The following TNIP3 variants were observed in gnomAD, a reference collection of about 807,000 sequenced individuals.
The protein encoded by TNIP3 is TNFAIP3 interacting protein 3.
In TNIP3, 34 loss-of-function variants were observed where a neutral mutation model predicts 54.1. The ratio of observed to expected loss-of-function variants is 0.63; its 90% CI spans 0.48 to 0.84. The LOEUF is 0.84. Ranked by LOEUF, TNIP3 falls within the 40% of genes least tolerant of loss-of-function variation. The pLI, the probability that TNIP3 is intolerant of heterozygous loss-of-function variation, is 0.00. For missense variants in TNIP3, 366 were observed against 387.6 expected, an observed-to-expected ratio of 0.94 and a Z score of 0.47; for synonymous variants, 134 against 136.8, an observed-to-expected ratio of 0.98 and a Z score of 0.14.
intron 3 of TNIP3, among the ~76,000 whole-genome samples, chr4:121,171,070 T>C (rs112071387): frequency 0.056 from 8,525 of 152,112 alleles, 392 homozygotes; most frequent in African/African-American, 0.12. Flanking sequence ...CCCATCTCGG[T>C]CTCCCAAAGT....
intron 10 of TNIP3, among the ~76,000 whole-genome samples, chr4:121,135,800 A>G (rs1424309326): frequency 6.6e-6 from 1 of 152,230 alleles, no homozygotes; most frequent in Admixed American, 6.5e-5. Context: ...TTTTAATTAA[A>G]TGAACCCCAA....
upstream of TNIP3, among the ~76,000 whole-genome samples, chr4:121,164,895 G>A (rs1730670481): frequency 6.6e-6 from 1 of 151,938 alleles, no homozygotes; most frequent in Non-Finnish European, 1.5e-5. Context: ...TCTTCTCATG[G>A]AGAATCATTT....
At chr4:121,203,434 T>A (rs1333331278) in intron 2 of TNIP3, among the ~76,000 whole-genome samples, 1 of 152,090 alleles carries the variant, frequency 6.6e-6, no homozygotes, top group Non-Finnish European at 1.5e-5. Context: ...CTCAAATGCA[T>A]GAGAATGATA....
chr4:121,224,949 C>T (rs111412204), intron 1 of TNIP3, among the ~76,000 whole-genome samples: 2,069 of 151,968 alleles, frequency 0.014, 49 homozygotes, highest in African/African-American at 0.047. Context: ...ACACTGTGTC[C>T]GAGAGTCATC....
chr4:121,176,514 TATGATGATGATGATGATGATG>T (rs70948383), intron 3 of TNIP3, among the ~76,000 whole-genome samples: 1 of 147,180 alleles, frequency 6.8e-6, no homozygotes, highest in Non-Finnish European at 1.5e-5. Flanking sequence ...CTACTAGCAT[TATGATGATGATGATGATGATG>T]ATGATGATGA....
At chr4:121,204,328 C>G (rs986305636) in intron 2 of TNIP3, among the ~76,000 whole-genome samples, 1 of 152,086 alleles carries the variant, frequency 6.6e-6, no homozygotes, top group African/African-American at 2.4e-5. Context: ...CAACCATTTG[C>G]CTCTTATCTA....
intron 2 of TNIP3, among the ~76,000 whole-genome samples, chr4:121,208,877 G>A (rs1726324861): frequency 6.6e-6 from 1 of 152,178 alleles, no homozygotes; most frequent in African/African-American, 2.4e-5. Context: ...AATCCATGGA[G>A]AGCTTCAGGG....
At chr4:121,169,590 G>T (rs146428348) in intron 3 of TNIP3, among the ~76,000 whole-genome samples, 1 of 152,286 alleles carries the variant, frequency 6.6e-6, no homozygotes, top group African/African-American at 2.4e-5. Context: ...GCCTGTGCGT[G>T]TTCATGTGGG....
At chr4:121,152,268 G>A (rs1447728054) in intron 5 of TNIP3, among the ~76,000 whole-genome samples, 1 of 151,874 alleles carries the variant, frequency 6.6e-6, no homozygotes, top group Middle Eastern at 3.2e-3. Flanking sequence ...TTATCACATT[G>A]GTAAGAAGGA....
chr4:121,146,027 T>TA lies in TNIP3; in HGVS notation c.735+1021_735+1022insT, dbSNP rs199914154. The stretch of plus-strand genomic sequence containing the variant: ...AATATACAATATATACTCTTTTTTT[T>TA]TACCAAGAGTAATCAGAACATTGTC... On this transcript the variant is annotated intron_variant, in intron 7 of 10. Coordinates refer to ENST00000057513, the MANE Select transcript of TNIP3 (RefSeq NM_024873.6). 3.9e-3 allele frequency among the ~76,000 whole-genome samples: 594 copies of TA among 152,136 alleles called. 5 individuals carry two copies. The highest frequency in any genetic ancestry group is 0.014 in the African/African-American group (573 of 41,522).
intron 2 of TNIP3, among the ~76,000 whole-genome samples, chr4:121,203,002 A>G (rs1453509637): frequency 6.6e-6 from 1 of 152,180 alleles, no homozygotes; most frequent in Non-Finnish European, 1.5e-5. Context: ...TACAACCACT[A>G]TGGAAAACAG....
intron 4 of TNIP3, 106 bp from the exon 5 acceptor site, chr4:121,154,785 C>T: frequency 9.3e-7 from 1 of 1,070,586 alleles, no homozygotes; most frequent in Non-Finnish European, 1.3e-6. Flanking sequence ...TGAGGGGTCA[C>T]CCTTCTGAAA....
upstream of TNIP3, among the ~76,000 whole-genome samples, chr4:121,168,853 C>T (rs140406952): frequency 6.5e-3 from 985 of 152,236 alleles, 7 homozygotes; most frequent in Admixed American, 0.012. Flanking sequence ...TTCATAGGAA[C>T]ATTTTTAAGA....
At position 121,138,668 on chromosome 4, in the gene TNIP3, T is replaced by C. The variant is rs763125863; in HGVS notation, c.902A>G (p.Tyr301Cys). ...ATCTGGCGGAAGCTGGTCAAGAGCA[T>C]ACCACTGATAGTCTGGCTGTGTGGA... is the stretch of plus-strand genomic sequence containing the variant. ...QREHPPDYQW[Y>C]ALDQLPPDVQ... The change falls in exon 10 of 11, where the codon TAT becomes TGT. Residue 301 changes from tyrosine to cysteine, a missense_variant. Transcript: ENST00000057513. 1.6e-5 allele frequency: 26 copies of C among 1,613,876 alleles called. No individual in the cohort carries two copies. The highest frequency in any genetic ancestry group is 2.0e-5 in the Non-Finnish European group (24 of 1,179,854).
At position 121,142,731 on chromosome 4, in the gene TNIP3, T is replaced by C. The variant is rs550748535; in HGVS notation, c.781A>G (p.Lys261Glu). The C allele has an allele frequency of 6.2e-7, 1 of 1,611,800 alleles. No individual in the cohort carries two copies. Among genetic ancestry groups the C allele is most frequent in the African/African-American group, 1.3e-5 (1 of 74,998 alleles). The part of the protein sequence containing the change: ...MEKEKLEKQL[K>E]QMYCPPCNCG... ...TGAAAATTAGATCAACATACCTGTT[T>C]TAATTGCTTTTCTAGTTTTTCTTTC... The change falls in exon 8 of 11, where the codon AAA (lysine) becomes GAA (glutamate). Residue 261 changes from lysine to glutamate, a missense_variant. Physicochemically the swap from Lys to Glu is moderately conservative, Grantham distance 56 (BLOSUM62 1). Coordinates refer to ENST00000057513, the MANE Select transcript of TNIP3 (RefSeq NM_024873.6).
chr4:121,155,210 G>C (rs35971082), intron 4 of TNIP3, among the ~76,000 whole-genome samples: 35,899 of 151,832 alleles, frequency 0.24, 4,427 homozygotes, highest in Middle Eastern at 0.29. Flanking sequence ...TGATCTGCCC[G>C]TCTCAGCCTC....
At chr4:121,143,813 G>A (rs564601934) in intron 7 of TNIP3, among the ~76,000 whole-genome samples, 4 of 152,190 alleles carry the variant, frequency 2.6e-5, no homozygotes, top group Non-Finnish European at 4.4e-5. Context: ...ACTATAACAT[G>A]TCTTAATGAA....
intron 5 of TNIP3, among the ~76,000 whole-genome samples, chr4:121,151,538 AATTT>A (rs1162360016): frequency 2.6e-5 from 4 of 152,128 alleles, no homozygotes; most frequent in Non-Finnish European, 5.9e-5. Context: ...GTAGTTTAAT[AATTT>A]ATGTTTTTTG....
intron 2 of TNIP3, among the ~76,000 whole-genome samples, chr4:121,190,231 G>T (rs1328096805): frequency 1.3e-5 from 2 of 152,080 alleles, no homozygotes; most frequent in Non-Finnish European, 2.9e-5. Context: ...GCATATCTTG[G>T]CCTTTTTGCC....
Sources: gnomAD v4.1 joint callset for allele counts (sites outside exome capture counted in the v4.1 genomes callset) on GRCh38, gnomAD v4.1.1 for gene constraint, MANE v1.5 for transcripts, NCBI Gene and HGNC (gene_info 2026-07-23, HGNC 2026-07-21) for gene names.